LIMS1: variants seen among roughly 807,000 people sequenced by gnomAD.
LIMS1 encodes the protein LIM zinc finger domain containing 1, also known as LIM and senescent cell antigen-like-containing domain protein 1.
Under a neutral mutation model 44.1 loss-of-function variants are expected in LIMS1, and 18 were observed. The observed-to-expected ratio is 0.41, with a 90% CI of 0.28 to 0.61. The LOEUF (loss-of-function observed/expected upper bound fraction) is 0.61, where lower values mean the gene tolerates loss of function less well. Ranked by LOEUF, LIMS1 falls within the 20% of genes least tolerant of loss-of-function variation. The pLI, the probability that LIMS1 is intolerant of heterozygous loss-of-function variation, is 0.32. For missense variants in LIMS1, 201 were observed against 422.0 expected (o/e 0.48, Z 4.59); for synonymous variants, 93 against 149.1 (o/e 0.62, Z 2.74).
At chr2:108,679,623 A>G (rs1692812731) in intron 8 of LIMS1, among the ~76,000 whole-genome samples, 1 of 152,160 alleles carries the variant, frequency 6.6e-6, no homozygotes, top group Non-Finnish European at 1.5e-5. Flanking sequence ...AACTGTATAC[A>G]TAAAGGTTGA....
At chr2:108,607,810 G>A (rs1337105326) in intron 1 of LIMS1, among the ~76,000 whole-genome samples, 1 of 152,082 alleles carries the variant, frequency 6.6e-6, no homozygotes, top group Non-Finnish European at 1.5e-5. Flanking sequence ...ATCAAGTAGG[G>A]GCTCCTTGGG....
chr2:108,642,335 GTTTTTTGTTTTT>G lies in LIMS1; in HGVS notation c.33-17263_33-17252del, dbSNP rs1689728458. On this transcript the variant is annotated intron_variant, in intron 1 of 9. Coordinates refer to ENST00000544547, the Ensembl canonical transcript of LIMS1. ...AGAGGAGTAATTTTAAGCTACTAGT[GTTTTTTGTTTTT>G]TTTTTTTTTTGTTTTTTGTTTTTTT... is the stretch of plus-strand genomic sequence containing the variant. Among the ~76,000 whole-genome samples, 3 of 34,146 alleles carry G rather than the reference GTTTTTTGTTTTT, an allele frequency of 8.8e-5. No individual in the cohort carries two copies. In the Admixed American group the frequency reaches 9.1e-4, roughly 10 times the overall value. The allele number at this position is 34,146 out of a possible 152,430, so 22.4% of individuals were successfully genotyped here. A position where few individuals can be genotyped will look rare whatever the true frequency, so the allele number is the denominator to read the frequency against.
rs557293801 is a variant in LIMS1, at chr2:108,598,183, T to C, written c.33-61422T>C. Among the ~76,000 whole-genome samples the C allele has an allele frequency of 6.6e-3, 1,007 of 151,842 alleles. 5 individuals carry two copies. The highest frequency in any genetic ancestry group is 0.012 in the Non-Finnish European group (783 of 67,946). ...TACAACTGCAGCGTGGGCTATTTCA[T>C]AGATTAGGACATGATGTGTAAGTAG... On this transcript the variant is annotated intron_variant, in intron 1 of 9. Transcript: ENST00000544547.
At chr2:108,626,969 G>T (rs769819850) in intron 1 of LIMS1, among the ~76,000 whole-genome samples, 4 of 152,180 alleles carry the variant, frequency 2.6e-5, no homozygotes, top group African/African-American at 7.2e-5. Flanking sequence ...AGATTACAAG[G>T]AAGTTGCCCT....
At chr2:108,604,543 C>T (rs1558805416) in intron 1 of LIMS1, among the ~76,000 whole-genome samples, 2 of 152,190 alleles carry the variant, frequency 1.3e-5, no homozygotes, top group African/African-American at 4.8e-5. Context: ...TCCTTAGCCT[C>T]TCAAATTAAA....
At chr2:108,681,101 G>A in intron 9 of LIMS1, 1 of 1,274,608 alleles carries the variant, frequency 7.8e-7, no homozygotes. Context: ...AAAAGAAAAA[G>A]CCAGTCTGTT....
At chr2:108,555,619 T>G (rs998955290) in intron 1 of LIMS1, among the ~76,000 whole-genome samples, 1 of 152,266 alleles carries the variant, frequency 6.6e-6, no homozygotes, top group South Asian at 2.1e-4. Context: ...TCCTAGGCTT[T>G]TCTCCTAGTC....
chr2:108,649,079 A>G (rs533209786), intron 1 of LIMS1, among the ~76,000 whole-genome samples: 10 of 152,310 alleles, frequency 6.6e-5, no homozygotes, highest in Non-Finnish European at 1.3e-4. Context: ...TTTGCAATCT[A>G]CTCATCTGAC....
chr2:108,673,564 T>C (rs182149497), intron 5 of LIMS1: 14 of 167,340 alleles, frequency 8.4e-5, no homozygotes, highest in Middle Eastern at 3.1e-3. Flanking sequence ...TTTTTTTAAA[T>C]TTTTTGTAGA....
chr2:108,634,097 T>C (rs1558819672), intron 1 of LIMS1, among the ~76,000 whole-genome samples: 1 of 152,174 alleles, frequency 6.6e-6, no homozygotes, highest in Non-Finnish European at 1.5e-5. Context: ...CAAAGACTCT[T>C]ACAAGGGTAG....
chr2:108,644,390 C>T (rs1689920556), intron 1 of LIMS1, among the ~76,000 whole-genome samples: 1 of 152,168 alleles, frequency 6.6e-6, no homozygotes, highest in South Asian at 2.1e-4. Flanking sequence ...TCCAGCAGAC[C>T]TGCAGCAGAG....
At chr2:108,568,804 T>A (rs140663853) in intron 1 of LIMS1, among the ~76,000 whole-genome samples, 6 of 152,252 alleles carry the variant, frequency 3.9e-5, no homozygotes, top group Admixed American at 3.3e-4. Flanking sequence ...CCTTTTTATA[T>A]GCTTGTTAGC....
chr2:108,618,803 G>A (rs1384752053), intron 1 of LIMS1, among the ~76,000 whole-genome samples: 4 of 135,156 alleles, frequency 3.0e-5, no homozygotes, highest in Non-Finnish European at 4.6e-5. Context: ...CCAGCCTGGC[G>A]ACAGAGCAAG....
intron 1 of LIMS1, among the ~76,000 whole-genome samples, chr2:108,570,906 C>G (rs985095557): frequency 1.3e-5 from 2 of 152,234 alleles, no homozygotes; most frequent in African/African-American, 4.8e-5. Flanking sequence ...TCTGGGAGCT[C>G]TTAATAGCTA....
At chr2:108,568,922 C>T (rs768016767) in intron 1 of LIMS1, among the ~76,000 whole-genome samples, 1 of 151,944 alleles carries the variant, frequency 6.6e-6, no homozygotes, top group Non-Finnish European at 1.5e-5. Context: ...GATGGAGTCT[C>T]ACTCTGTTGC....
At chr2:108,584,910 G>A (rs999334573) in intron 1 of LIMS1, among the ~76,000 whole-genome samples, 4 of 152,016 alleles carry the variant, frequency 2.6e-5, no homozygotes, top group African/African-American at 4.8e-5. Flanking sequence ...CCAGCACTTC[G>A]GGAGGCCAAG....
chr2:108,611,746 G>T (rs1687615996), intron 1 of LIMS1, among the ~76,000 whole-genome samples: 2 of 150,862 alleles, frequency 1.3e-5, no homozygotes, highest in South Asian at 2.1e-4. Context: ...GGGCGTGGTG[G>T]CATGAGCCTG....
At chr2:108,666,789 GA>G (rs769064603) in intron 2 of LIMS1, among the ~76,000 whole-genome samples, 5 of 138,774 alleles carry the variant, frequency 3.6e-5, no homozygotes, top group East Asian at 2.1e-4. Flanking sequence ...GACCGTTTCT[GA>G]AAAAAAAAAT....
At chr2:108,642,351 TTTTTTTG>T (rs1558824039) in intron 1 of LIMS1, among the ~76,000 whole-genome samples, 1 of 8,910 alleles carries the variant, frequency 1.1e-4, no homozygotes, top group Non-Finnish European at 3.8e-4. Flanking sequence ...TGTTTTTTTT[TTTTTTTG>T]TTTTTTGTTT....
Sources: gnomAD v4.1 joint callset for allele counts (sites outside exome capture counted in the v4.1 genomes callset) on GRCh38, gnomAD v4.1.1 for gene constraint, MANE v1.5 for transcripts, NCBI Gene and HGNC (gene_info 2026-07-23, HGNC 2026-07-21) for gene names.